The following CXCL13 variants were observed in gnomAD, a reference collection of about 807,000 sequenced individuals.
CXCL13 encodes the protein C-X-C motif chemokine 13.
CXCL13 carries 7 observed loss-of-function variants against 12.2 expected under a neutral mutation model. The observed-to-expected ratio is 0.57, with a 90% CI of 0.33 to 1.07. The LOEUF (loss-of-function observed/expected upper bound fraction) is 1.07. Among genes scored for constraint, CXCL13 ranks in the 50% least tolerant of loss-of-function variants. The pLI is 0.04. For missense variants in CXCL13, 113 were observed against 127.4 expected, an observed-to-expected ratio of 0.89 and a Z score of 0.55; for synonymous variants, 47 against 42.4, an observed-to-expected ratio of 1.11 and a Z score of -0.42.
At chr4:77,588,579 T>C (rs1375051710) in intron 1 of CXCL13, among the ~76,000 whole-genome samples, 1 of 152,244 alleles carries the variant, frequency 6.6e-6, no homozygotes, top group African/African-American at 2.4e-5. Flanking sequence ...TTATTTGTCC[T>C]TGGCATGTGT....
At chr4:77,571,043 G>A (rs62304075) in intron 1 of CXCL13, among the ~76,000 whole-genome samples, 3 of 152,124 alleles carry the variant, frequency 2.0e-5, no homozygotes, top group Non-Finnish European at 4.4e-5. Flanking sequence ...GGCCTGAGGA[G>A]TGTGAGCGCA....
At chr4:77,514,984 TA>T (rs758577902) in intron 1 of CXCL13, among the ~76,000 whole-genome samples, 84 of 152,160 alleles carry the variant, frequency 5.5e-4, no homozygotes, top group Non-Finnish European at 1.0e-3. Flanking sequence ...GATTTTTGTA[TA>T]AGGTGTAAGG....
chr4:77,594,549 T>A (rs896140475), intron 1 of CXCL13, among the ~76,000 whole-genome samples: 1 of 152,158 alleles, frequency 6.6e-6, no homozygotes, highest in Non-Finnish European at 1.5e-5. Context: ...TAATAAAACA[T>A]TTCATGTCAC....
At chr4:77,539,747 A>C (rs952916545) in intron 1 of CXCL13, among the ~76,000 whole-genome samples, 6 of 152,180 alleles carry the variant, frequency 3.9e-5, no homozygotes, top group Non-Finnish European at 7.3e-5. Flanking sequence ...TATATTTATT[A>C]GGGGATTGCC....
intron 1 of CXCL13, among the ~76,000 whole-genome samples, chr4:77,565,059 C>T (rs1725895664): frequency 6.6e-6 from 1 of 152,154 alleles, no homozygotes; most frequent in East Asian, 1.9e-4. Context: ...TTCTACTGAT[C>T]CCTTGGTTCA....
Position 77,611,514 on chromosome 4 carries a change from A to T in CXCL13, c.*475A>T, listed in dbSNP as rs1727154774. On this transcript the variant is annotated 3_prime_UTR_variant, in exon 4 of 4. Transcript: ENST00000682537. ...TGTCAAGAGGCAAAGGAATCCATGT[A>T]GTAGATATCCTCTGCTTAAAAACTC... 2.5e-6 allele frequency: 1 copy of T among 395,108 alleles called. No individual in the cohort carries two copies. The highest frequency in any genetic ancestry group is 1.4e-4 in the South Asian group (1 of 7,014). 24.5% of individuals were successfully genotyped at this position (395,108 alleles called of 1,614,324 possible).
intron 1 of CXCL13, among the ~76,000 whole-genome samples, chr4:77,572,254 A>G (rs1726103982): frequency 6.6e-6 from 1 of 151,838 alleles, no homozygotes; most frequent in Non-Finnish European, 1.5e-5. Context: ...TGTAAAAATT[A>G]GCCAGGAGTG....
intron 1 of CXCL13, among the ~76,000 whole-genome samples, chr4:77,547,713 G>C (rs968865362): frequency 6.6e-6 from 1 of 152,098 alleles, no homozygotes; most frequent in African/African-American, 2.4e-5. Flanking sequence ...TGTTTAAATT[G>C]GGCATTTAGT....
chr4:77,513,972 C>G (rs935078852), intron 1 of CXCL13, among the ~76,000 whole-genome samples: 1 of 152,106 alleles, frequency 6.6e-6, no homozygotes, highest in Admixed American at 6.6e-5. Flanking sequence ...CACCCCACAA[C>G]AGTCCCCAGA....
At chr4:77,546,092 T>C (rs1725355662) in intron 1 of CXCL13, among the ~76,000 whole-genome samples, 1 of 152,238 alleles carries the variant, frequency 6.6e-6, no homozygotes, top group South Asian at 2.1e-4. Context: ...ATCCCAGGGA[T>C]GAAGCCAACT....
intron 1 of CXCL13, among the ~76,000 whole-genome samples, chr4:77,597,794 C>T (rs1048690389): frequency 3.9e-5 from 6 of 152,286 alleles, no homozygotes; most frequent in Non-Finnish European, 2.9e-5. Context: ...GCACCAGCAG[C>T]ACCAAGGCTG....
chr4:77,590,170 G>A (rs745805680), intron 1 of CXCL13, among the ~76,000 whole-genome samples: 10 of 152,156 alleles, frequency 6.6e-5, no homozygotes, highest in African/African-American at 9.7e-5. Context: ...TTCAGAAGAG[G>A]ATAATATCCT....
intron 2 of CXCL13, among the ~76,000 whole-genome samples, chr4:77,610,344 T>A (rs1727116356): frequency 6.6e-6 from 1 of 152,180 alleles, no homozygotes; most frequent in Non-Finnish European, 1.5e-5. Context: ...TGCACGTAAA[T>A]GTTATCAACA....
chr4:77,525,516 A>G (rs1466292175), intron 1 of CXCL13, among the ~76,000 whole-genome samples: 1 of 151,872 alleles, frequency 6.6e-6, no homozygotes, highest in African/African-American at 2.4e-5. Context: ...TGTTGTTAGT[A>G]TTTTTCTATG....
intron 1 of CXCL13, among the ~76,000 whole-genome samples, chr4:77,588,350 G>A (rs990415453): frequency 5.3e-5 from 8 of 152,106 alleles, no homozygotes; most frequent in East Asian, 1.9e-4. Context: ...GAGTGGCCAC[G>A]GTTGGGGTAG....
At chr4:77,531,945 T>C (rs1430868097) in intron 1 of CXCL13, among the ~76,000 whole-genome samples, 2 of 152,156 alleles carry the variant, frequency 1.3e-5, no homozygotes, top group Admixed American at 1.3e-4. Flanking sequence ...GTGTCTCTGG[T>C]ACGTGAGATG....
At chr4:77,540,512 G>A (rs1372976321) in intron 1 of CXCL13, among the ~76,000 whole-genome samples, 1 of 152,128 alleles carries the variant, frequency 6.6e-6, no homozygotes, top group Non-Finnish European at 1.5e-5. Context: ...AGAAGTGACA[G>A]CATGTGGTAT....
chr4:77,567,360 C>T (rs74796717), intron 1 of CXCL13, among the ~76,000 whole-genome samples: 5,608 of 152,234 alleles, frequency 0.037, 332 homozygotes, highest in African/African-American at 0.13. Context: ...TTCACATGGA[C>T]GCGCACAACA....
chr4:77,515,200 G>A lies in CXCL13; in HGVS notation c.-43+3412G>A, dbSNP rs1724384453. On this transcript the variant is annotated intron_variant, in intron 1 of 4. Coordinates refer to the CXCL13 transcript ENST00000286758. ...TTAGTACCAGTGCCATGCTGTTTTG[G>A]TTACTGTAGCCTTGTAGTATAGTTT... Among the ~76,000 whole-genome samples, 4 of 152,144 alleles carry A rather than the reference G, an allele frequency of 2.6e-5. No homozygotes were observed. The South Asian group carries it at 8.3e-4, about 31-fold the overall frequency.
Sources: gnomAD v4.1 joint callset for allele counts (sites outside exome capture counted in the v4.1 genomes callset) on GRCh38, gnomAD v4.1.1 for gene constraint, MANE v1.5 for transcripts, NCBI Gene and HGNC (gene_info 2026-07-23, HGNC 2026-07-21) for gene names.